Variants in GPHN observed in about 807,000 individuals in gnomAD.
GPHN encodes the protein gephyrin.
Under a neutral mutation model 95.5 loss-of-function variants are expected in GPHN, and 17 were observed. That is an observed-to-expected ratio of 0.18 (90% CI 0.12 to 0.27). The LOEUF is 0.27. Ranked by LOEUF, GPHN falls within the 10% of genes least tolerant of loss-of-function variation. The pLI is 1.00. For missense variants in GPHN, 660 were observed against 978.1 expected (o/e 0.67, Z 4.34); for synonymous variants, 320 against 322.5 (o/e 0.99, Z 0.08).
chr14:67,236,196 C>A, the GPHN span, among the ~76,000 whole-genome samples: 3 of 152,136 alleles, frequency 2.0e-5, no homozygotes, highest in African/African-American at 7.2e-5. Flanking sequence ...TTCCTCCTAA[C>A]TGAAATTTTG....
chr14:66,932,007 A>T (rs571895980), intron 8 of GPHN, among the ~76,000 whole-genome samples: 1 of 152,138 alleles, frequency 6.6e-6, no homozygotes. Flanking sequence ...AGGCTTTCCA[A>T]ATACTCAAAG....
At chr14:67,428,932 C>T in the GPHN span, among the ~76,000 whole-genome samples, 1 of 152,174 alleles carries the variant, frequency 6.6e-6, no homozygotes, top group African/African-American at 2.4e-5. Flanking sequence ...AGTCAGCCAC[C>T]TCATCTGATT....
the GPHN span, chr14:67,685,216 T>A: frequency 6.2e-7 from 1 of 1,605,838 alleles, no homozygotes; most frequent in Non-Finnish European, 8.5e-7. Context: ...TGGTTGGGGG[T>A]GGCATGAAGA....
intron 17 of GPHN, among the ~76,000 whole-genome samples, chr14:67,140,978 G>C (rs930664028): frequency 7.9e-6 from 1 of 127,102 alleles, no homozygotes; most frequent in Non-Finnish European, 1.5e-5. Flanking sequence ...TTTATGTCAG[G>C]GTTTTTTTTT....
At chr14:66,855,849 T>A (rs769825902) in intron 4 of GPHN, among the ~76,000 whole-genome samples, 46 of 152,176 alleles carry the variant, frequency 3.0e-4, no homozygotes, top group Non-Finnish European at 6.0e-4. Flanking sequence ...ACATGGAATT[T>A]AAAATTTTTC....
the GPHN span, chr14:67,580,870 T>G: frequency 3.0e-6 from 3 of 1,016,532 alleles, no homozygotes; most frequent in Non-Finnish European, 1.6e-6. Context: ...AGTCCAGCCC[T>G]GGCTGGACCT....
chr14:66,708,781 T>C (rs10144792), intron 2 of GPHN, among the ~76,000 whole-genome samples: 49,853 of 151,968 alleles, frequency 0.33, 12,009 homozygotes, highest in African/African-American at 0.66. Flanking sequence ...TCACATGACA[T>C]GCTGGACTGT....
At chr14:66,517,211 TACAC>T (rs1195716889) in intron 1 of GPHN, among the ~76,000 whole-genome samples, 1 of 151,700 alleles carries the variant, frequency 6.6e-6, no homozygotes, top group Non-Finnish European at 1.5e-5. Context: ...AAGGAACATT[TACAC>T]GGTGGTGCCC....
chr14:67,298,534 A>G, the GPHN span, among the ~76,000 whole-genome samples: 1 of 151,822 alleles, frequency 6.6e-6, no homozygotes, highest in South Asian at 2.1e-4. Context: ...AAAAAATACT[A>G]TTATAAAAAC....
chr14:67,070,694 CAAAA>C (rs34577444), intron 11 of GPHN, among the ~76,000 whole-genome samples: 1 of 64,416 alleles, frequency 1.6e-5, no homozygotes, highest in Non-Finnish European at 2.4e-5. Flanking sequence ...GACTTCATCT[CAAAA>C]AAAAAAAAAA....
chr14:67,114,417 A>G (rs531183910), intron 16 of GPHN, among the ~76,000 whole-genome samples: 2 of 152,324 alleles, frequency 1.3e-5, no homozygotes, highest in South Asian at 4.1e-4. Context: ...TGGACCAGGC[A>G]TGGTGGCTTA....
At chr14:66,647,111 G>T (rs1019766476) in intron 1 of GPHN, among the ~76,000 whole-genome samples, 22 of 145,448 alleles carry the variant, frequency 1.5e-4, no homozygotes, top group African/African-American at 5.6e-4. Context: ...TCACTATGTT[G>T]CCCAGGCTGG....
intron 10 of GPHN, among the ~76,000 whole-genome samples, chr14:67,035,154 C>T (rs1464452549): frequency 6.6e-6 from 1 of 151,452 alleles, no homozygotes; most frequent in Non-Finnish European, 1.5e-5. Context: ...CTTGAACAAC[C>T]AGTAGGTCAA....
chr14:67,725,233 T>A, the GPHN span: 1 of 1,613,526 alleles, frequency 6.2e-7, no homozygotes, highest in Non-Finnish European at 8.5e-7. Context: ...TATCCGAGCC[T>A]TTGCTGAGGG....
At chr14:67,326,700 G>A in the GPHN span, among the ~76,000 whole-genome samples, 1 of 152,110 alleles carries the variant, frequency 6.6e-6, no homozygotes, top group Non-Finnish European at 1.5e-5. Context: ...ATCTGTTCTA[G>A]AAGTTCATAT....
chr14:67,195,179 G>A, the GPHN span, among the ~76,000 whole-genome samples: 1 of 152,188 alleles, frequency 6.6e-6, no homozygotes, highest in Admixed American at 6.5e-5. Flanking sequence ...GAACATCACA[G>A]CAAAGTTGAT....
chr14:67,385,047 G>A, the GPHN span: 6 of 152,114 alleles, frequency 3.9e-5, no homozygotes, highest in African/African-American at 1.2e-4. Flanking sequence ...TGGTGGCGTC[G>A]ATGGTGAGTG....
chr14:67,392,391 C>A, the GPHN span: 1 of 1,614,022 alleles, frequency 6.2e-7, no homozygotes, highest in Admixed American at 1.7e-5. Context: ...AGGCTAATTT[C>A]TTCCTTGGGG....
At chr14:67,189,177 T>A in the GPHN span, among the ~76,000 whole-genome samples, 1 of 152,216 alleles carries the variant, frequency 6.6e-6, no homozygotes, top group African/African-American at 2.4e-5. Flanking sequence ...GTGGTTATAC[T>A]ATTGCTAAAT....
Sources: gnomAD v4.1 joint callset for allele counts (sites outside exome capture counted in the v4.1 genomes callset) on GRCh38, gnomAD v4.1.1 for gene constraint, MANE v1.5 for transcripts, NCBI Gene and HGNC (gene_info 2026-07-23, HGNC 2026-07-21) for gene names.